Variants in NRG1 observed in about 807,000 individuals in gnomAD.
NRG1 encodes the protein neuregulin 1.
NRG1 carries 18 observed loss-of-function variants against 63.8 expected under a neutral mutation model. That is an observed-to-expected ratio of 0.28 (90% confidence interval 0.19 to 0.42). The LOEUF is 0.42. Ranked by LOEUF, NRG1 falls within the 10% of genes least tolerant of loss-of-function variation. NRG1 has a pLI of 1.00. For synonymous variants in NRG1, 302 were observed against 301.3 expected, an observed-to-expected ratio of 1.00 and a Z score of -0.02; for missense variants, 762 against 814.7, an observed-to-expected ratio of 0.94 and a Z score of 0.79.
At chr8:32,496,731 G>A (rs575672930) in intron 1 of NRG1, among the ~76,000 whole-genome samples, 110 of 152,082 alleles carry the variant, frequency 7.2e-4, no homozygotes, top group Non-Finnish European at 1.2e-3. Context: ...TATATATTAG[G>A]TCCCAATGGC....
intron 1 of NRG1, among the ~76,000 whole-genome samples, chr8:31,999,240 T>C (rs191464114): frequency 6.6e-6 from 1 of 152,100 alleles, no homozygotes; most frequent in East Asian, 1.9e-4. Flanking sequence ...ATTGTACATA[T>C]TTAATATGTT....
chr8:32,382,703 T>C (rs557002768), intron 1 of NRG1, among the ~76,000 whole-genome samples: 46 of 152,220 alleles, frequency 3.0e-4, no homozygotes, highest in African/African-American at 1.1e-3. Context: ...TGAAAACCTA[T>C]ATCAGTAAAC....
At chr8:32,075,960 A>G (rs1020747925) in intron 1 of NRG1, among the ~76,000 whole-genome samples, 3 of 152,194 alleles carry the variant, frequency 2.0e-5, no homozygotes, top group Non-Finnish European at 2.9e-5. Context: ...GGCATGAACC[A>G]CCGCGCTCGG....
At chr8:32,303,275 G>A (rs772643252) in intron 1 of NRG1, among the ~76,000 whole-genome samples, 41 of 151,654 alleles carry the variant, frequency 2.7e-4, no homozygotes, top group Non-Finnish European at 5.4e-4. Flanking sequence ...TTTACCATGG[G>A]GATATAATGA....
At chr8:31,751,423 T>G (rs997791882) in intron 1 of NRG1, among the ~76,000 whole-genome samples, 15 of 152,020 alleles carry the variant, frequency 9.9e-5, no homozygotes, top group Non-Finnish European at 2.1e-4. Flanking sequence ...GCAAAGAATC[T>G]TCAGTGGGAT....
intron 1 of NRG1, among the ~76,000 whole-genome samples, chr8:32,342,612 C>T (rs1804214662): frequency 1.3e-5 from 2 of 152,214 alleles, no homozygotes; most frequent in Admixed American, 1.3e-4. Context: ...AAAGACCACT[C>T]TCACCTTTCC....
At chr8:31,870,635 T>C (rs527311380) in intron 1 of NRG1, among the ~76,000 whole-genome samples, 4 of 152,304 alleles carry the variant, frequency 2.6e-5, no homozygotes, top group East Asian at 1.9e-4. Context: ...ACCAATCATA[T>C]AGTTTTGGCC....
At chr8:32,357,497 A>G (rs1357831543) in intron 1 of NRG1, among the ~76,000 whole-genome samples, 4 of 152,052 alleles carry the variant, frequency 2.6e-5, no homozygotes, top group Non-Finnish European at 5.9e-5. Flanking sequence ...ATGTTTAAAG[A>G]TTTATTTCCC....
intron 1 of NRG1, among the ~76,000 whole-genome samples, chr8:32,027,922 A>G (rs1389881573): frequency 1.3e-5 from 2 of 152,142 alleles, no homozygotes; most frequent in Non-Finnish European, 2.9e-5. Context: ...AACTAAACTA[A>G]CAGAAAAGCT....
chr8:32,041,333 A>G (rs11992455), intron 1 of NRG1, among the ~76,000 whole-genome samples: 83,847 of 152,122 alleles, frequency 0.55, 26,921 homozygotes, highest in Non-Finnish European at 0.71. Flanking sequence ...TCCAGCTTTG[A>G]ATAAGATAGA....
intron 1 of NRG1, among the ~76,000 whole-genome samples, chr8:31,813,521 T>C (rs58927416): frequency 4.5e-3 from 99 of 22,246 alleles, no homozygotes; most frequent in African/African-American, 5.1e-3. Flanking sequence ...CTTTTCTTTT[T>C]TTTTTTTTTT....
chr8:32,295,201 T>C (rs1463238847), intron 1 of NRG1, among the ~76,000 whole-genome samples: 1 of 152,210 alleles, frequency 6.6e-6, no homozygotes, highest in Non-Finnish European at 1.5e-5. Context: ...TTTTAAATTT[T>C]TGTGTAATTT....
intron 3 of NRG1, among the ~76,000 whole-genome samples, chr8:32,607,028 T>G (rs1588648061): frequency 6.6e-6 from 1 of 152,136 alleles, no homozygotes; most frequent in Non-Finnish European, 1.5e-5. Context: ...AGTTTATCAC[T>G]TTCATTTTAA....
chr8:32,120,992 G>A (rs1321768797), intron 1 of NRG1, among the ~76,000 whole-genome samples: 1 of 151,940 alleles, frequency 6.6e-6, no homozygotes, highest in African/African-American at 2.4e-5. Context: ...GCTGAGATTT[G>A]ACTTATTACA....
rs1328911464 is a variant in NRG1 at position 31,813,736 on chromosome 8, AGG to A, written c.37+174306_37+174307del. The stretch of plus-strand genomic sequence containing the variant: ...CAAGACAAGGTTTGTCATGTTGTCC[AGG>A]CTGGTCTCGAACTCCTCGGCTCAAG... On this transcript the variant is annotated intron_variant, in intron 1 of 10. Coordinates refer to the NRG1 transcript ENST00000519301. Among the ~76,000 whole-genome samples the A allele has an allele frequency of 1.1e-4, 16 of 152,038 alleles. 1 individual carries two copies. Among genetic ancestry groups the A allele is most frequent in the African/African-American group, 3.6e-4 (15 of 41,484 alleles).
intron 1 of NRG1, among the ~76,000 whole-genome samples, chr8:31,973,390 T>C (rs1238594872): frequency 6.6e-6 from 1 of 152,220 alleles, no homozygotes; most frequent in African/African-American, 2.4e-5. Flanking sequence ...TTGTATAAAC[T>C]CGTAAATATT....
intron 1 of NRG1, among the ~76,000 whole-genome samples, chr8:32,584,217 C>A (rs1460557547): frequency 6.6e-6 from 1 of 152,134 alleles, no homozygotes; most frequent in Non-Finnish European, 1.5e-5. Flanking sequence ...AATAATGTAG[C>A]ACCAGGTTTC....
chr8:32,501,898 G>T (rs1325760164), intron 1 of NRG1, among the ~76,000 whole-genome samples: 1 of 152,116 alleles, frequency 6.6e-6, no homozygotes, highest in Non-Finnish European at 1.5e-5. Context: ...AGGCTAAGGT[G>T]GGAGGATTGC....
At chr8:32,591,058 C>T (rs1774735008) in intron 1 of NRG1, among the ~76,000 whole-genome samples, 1 of 152,186 alleles carries the variant, frequency 6.6e-6, no homozygotes, top group Non-Finnish European at 1.5e-5. Context: ...GACGGCAGAA[C>T]ATCCATAAGT....
Sources: allele counts gnomAD v4.1 joint callset (sites outside exome capture counted in the v4.1 genomes callset), GRCh38; gene constraint gnomAD v4.1.1; transcripts MANE v1.5; gene names NCBI Gene and HGNC (gene_info 2026-07-23, HGNC 2026-07-21).